RBFOX1: variants seen among roughly 807,000 people sequenced by gnomAD.
The protein encoded by RBFOX1 is RNA binding fox-1 homolog 1.
RBFOX1 carries 8 observed loss-of-function variants against 57.7 expected under a neutral mutation model. The ratio of observed to expected loss-of-function variants is 0.14; its 90% CI spans 0.08 to 0.25. The LOEUF is 0.25. Ranked by LOEUF, RBFOX1 falls within the 10% of genes least tolerant of loss-of-function variation. The probability of loss-of-function intolerance (pLI) is 1.00; values close to 1 mark genes in which losing one functional copy is unlikely to be tolerated. For missense variants in RBFOX1, 611 were observed against 548.5 expected, an observed-to-expected ratio of 1.11 and a Z score of -1.14; for synonymous variants, 326 against 222.4, an observed-to-expected ratio of 1.47 and a Z score of -4.15.
intron 4 of RBFOX1, among the ~76,000 whole-genome samples, chr16:7,211,969 C>A (rs957698165): frequency 1.3e-5 from 2 of 152,182 alleles, no homozygotes; most frequent in Non-Finnish European, 2.9e-5. Flanking sequence ...CTCCTACCCA[C>A]CCCTTCTCAC....
chr16:7,681,876 A>T (rs1048774301), intron 14 of RBFOX1, among the ~76,000 whole-genome samples: 2 of 152,144 alleles, frequency 1.3e-5, no homozygotes, highest in African/African-American at 4.8e-5. Context: ...AAATATTTCT[A>T]GCTAAACAGC....
At chr16:6,929,614 C>T (rs62017712) in intron 3 of RBFOX1, among the ~76,000 whole-genome samples, 1 of 152,020 alleles carries the variant, frequency 6.6e-6, no homozygotes, top group Non-Finnish European at 1.5e-5. Flanking sequence ...AAAAAAAGTC[C>T]CACCAAATTC....
At chr16:5,988,267 G>A (rs2060320599) in intron 4 of RBFOX1, among the ~76,000 whole-genome samples, 1 of 152,152 alleles carries the variant, frequency 6.6e-6, no homozygotes, top group African/African-American at 2.4e-5. Flanking sequence ...ATATGCAAAT[G>A]TCTGTAATTG....
intron 1 of RBFOX1, among the ~76,000 whole-genome samples, chr16:5,265,114 G>A (rs1173356206): frequency 6.6e-6 from 1 of 152,010 alleles, no homozygotes; most frequent in Non-Finnish European, 1.5e-5. Context: ...TATTTTTACT[G>A]GTTTATAAAA....
At chr16:5,950,791 G>A (rs1346410543) in intron 4 of RBFOX1, among the ~76,000 whole-genome samples, 1 of 152,120 alleles carries the variant, frequency 6.6e-6, no homozygotes, top group Non-Finnish European at 1.5e-5. Flanking sequence ...TCCCTTGAGG[G>A]TAGGATACCT....
intron 1 of RBFOX1, among the ~76,000 whole-genome samples, chr16:6,257,226 C>A (rs776911611): frequency 2.0e-5 from 3 of 152,024 alleles, no homozygotes; most frequent in Non-Finnish European, 4.4e-5. Flanking sequence ...AGGTATTAAG[C>A]CCTGCATGTG....
At chr16:5,791,801 A>G (rs901351506) in intron 3 of RBFOX1, among the ~76,000 whole-genome samples, 17 of 152,236 alleles carry the variant, frequency 1.1e-4, no homozygotes, top group Admixed American at 7.2e-4. Flanking sequence ...TGATCTGAAT[A>G]TCCTTTGCTT....
intron 2 of RBFOX1, among the ~76,000 whole-genome samples, chr16:6,377,007 C>T (rs879170452): frequency 6.6e-6 from 1 of 151,854 alleles, no homozygotes; most frequent in Non-Finnish European, 1.5e-5. Context: ...CTCGGTGGCT[C>T]ATGCATATAA....
chr16:7,207,357 T>C (rs1223521646), intron 4 of RBFOX1, among the ~76,000 whole-genome samples: 8 of 152,190 alleles, frequency 5.3e-5, no homozygotes, highest in Admixed American at 5.2e-4. Flanking sequence ...TTCTCCACTG[T>C]CCCTTCCAAG....
chr16:5,285,563 G>A (rs577386834), intron 1 of RBFOX1, among the ~76,000 whole-genome samples: 28 of 152,128 alleles, frequency 1.8e-4, no homozygotes, highest in Non-Finnish European at 4.0e-4. Flanking sequence ...CTGTGCCTCT[G>A]ACATAACCGT....
chr16:6,213,211 G>A (rs928132468), intron 1 of RBFOX1, among the ~76,000 whole-genome samples: 1 of 152,052 alleles, frequency 6.6e-6, no homozygotes, highest in African/African-American at 2.4e-5. Context: ...GACCCAGTGT[G>A]TCTTTGGGGA....
chr16:6,169,426 A>G (rs1007888024), intron 1 of RBFOX1, among the ~76,000 whole-genome samples: 2 of 152,130 alleles, frequency 1.3e-5, no homozygotes, highest in African/African-American at 4.8e-5. Flanking sequence ...GCTGAGATAG[A>G]GAAGGAGGTT....
At chr16:6,269,878 T>G (rs2074995470) in intron 1 of RBFOX1, among the ~76,000 whole-genome samples, 1 of 152,160 alleles carries the variant, frequency 6.6e-6, no homozygotes, top group Admixed American at 6.5e-5. Context: ...AAGCAAAAAT[T>G]ATAATACCAT....
chr16:5,412,249 A>G (rs2067041592), intron 1 of RBFOX1, among the ~76,000 whole-genome samples: 1 of 152,056 alleles, frequency 6.6e-6, no homozygotes, highest in African/African-American at 2.4e-5. Context: ...AGTCTTTAGA[A>G]TCCTCATCTC....
chr16:7,447,455 G>C (rs867344480), intron 4 of RBFOX1, among the ~76,000 whole-genome samples: 4 of 145,782 alleles, frequency 2.7e-5, no homozygotes, highest in African/African-American at 1.0e-4. Flanking sequence ...AAAAAAGAGA[G>C]ATTCCAATGA....
intron 9 of RBFOX1, among the ~76,000 whole-genome samples, chr16:7,603,064 T>C (rs538172565): frequency 3.5e-4 from 53 of 152,308 alleles, no homozygotes; most frequent in Non-Finnish European, 5.9e-4. Context: ...GTCTATGGGA[T>C]ACAGCAAAAG....
intron 1 of RBFOX1, among the ~76,000 whole-genome samples, chr16:6,258,198 A>G (rs2097680393): frequency 6.6e-6 from 1 of 152,190 alleles, no homozygotes. Context: ...CTTCACTGCC[A>G]GCTGGCCATT....
At chr16:5,320,791 T>C (rs1032052747) in intron 1 of RBFOX1, among the ~76,000 whole-genome samples, 1 of 152,062 alleles carries the variant, frequency 6.6e-6, no homozygotes, top group South Asian at 2.1e-4. Context: ...ATGGTCTGAG[T>C]AGAGAGAGCT....
At position 7,567,710 on chromosome 16, in the gene RBFOX1, C is replaced by CTA. The variant is rs148307703; in HGVS notation, c.271-12055_271-12054dup. ...AGATATATATCCCTATATATAATCC[C>CTA]TATATATATATATCCCTATATATAA... On this transcript the variant is annotated intron_variant, in intron 5 of 15. Coordinates refer to ENST00000550418, the MANE Select transcript of RBFOX1 (RefSeq NM_018723.4). Among the ~76,000 whole-genome samples the CTA allele has an allele frequency of 5.2e-5, 7 of 133,890 alleles. No individual in the cohort carries two copies. In the South Asian group the frequency reaches 1.5e-3, roughly 28 times the overall value. The allele number at this position is 133,890 out of a possible 152,430, so 87.8% of individuals were successfully genotyped here.
Sources: gnomAD v4.1 joint callset for allele counts (sites outside exome capture counted in the v4.1 genomes callset) on GRCh38, gnomAD v4.1.1 for gene constraint, MANE v1.5 for transcripts, NCBI Gene and HGNC (gene_info 2026-07-23, HGNC 2026-07-21) for gene names.